Variants in CDH13 observed in about 807,000 individuals in gnomAD.
CDH13 encodes cadherin 13, also known as cadherin-13.
In CDH13, 24 loss-of-function variants were observed where a neutral mutation model predicts 63.8. The observed-to-expected ratio is 0.38, with a 90% CI of 0.27 to 0.53. CDH13 has a LOEUF of 0.53. CDH13 is among the 20% of genes least tolerant of loss of function. The probability of loss-of-function intolerance (pLI) is 0.85; values close to 1 mark genes in which losing one functional copy is unlikely to be tolerated. For synonymous variants in CDH13, 503 were observed against 355.3 expected, an observed-to-expected ratio of 1.42 and a Z score of -4.67; for missense variants, 1,049 against 903.1, an observed-to-expected ratio of 1.16 and a Z score of -2.07.
At chr16:83,082,640 TCAA>T (rs1031887338) in intron 3 of CDH13, among the ~76,000 whole-genome samples, 3 of 151,878 alleles carry the variant, frequency 2.0e-5, no homozygotes, top group African/African-American at 7.3e-5. Flanking sequence ...CAAGACTGTC[TCAA>T]CAACAACAGA....
intron 1 of CDH13, among the ~76,000 whole-genome samples, chr16:82,633,838 G>C (rs1316683603): frequency 6.6e-6 from 1 of 152,152 alleles, no homozygotes; most frequent in African/African-American, 2.4e-5. Flanking sequence ...AGACTAATCT[G>C]TCTGCCTCAT....
chr16:83,504,120 AT>A (rs1567718733), intron 7 of CDH13, among the ~76,000 whole-genome samples: 1 of 152,162 alleles, frequency 6.6e-6, no homozygotes, highest in African/African-American at 2.4e-5. Flanking sequence ...TTAAGGTAAA[AT>A]TTAAAAAAAG....
intron 2 of CDH13, among the ~76,000 whole-genome samples, chr16:83,021,370 T>A (rs1296729792): frequency 1.3e-5 from 2 of 152,208 alleles, no homozygotes; most frequent in East Asian, 1.9e-4. Flanking sequence ...ATGGGATAGA[T>A]GATGCATAGC....
intron 3 of CDH13, among the ~76,000 whole-genome samples, chr16:83,088,013 A>G (rs1249992327): frequency 6.6e-6 from 1 of 152,196 alleles, no homozygotes; most frequent in Non-Finnish European, 1.5e-5. Context: ...ACATTTGGAA[A>G]TGGTACAAGT....
At chr16:83,782,995 T>A (rs905878069) in intron 12 of CDH13, among the ~76,000 whole-genome samples, 1 of 152,142 alleles carries the variant, frequency 6.6e-6, no homozygotes, top group Non-Finnish European at 1.5e-5. Flanking sequence ...ACTCTGGTGA[T>A]GGAAACACTC....
At chr16:82,640,425 G>A (rs1470129425) in intron 1 of CDH13, among the ~76,000 whole-genome samples, 2 of 152,100 alleles carry the variant, frequency 1.3e-5, no homozygotes, top group Admixed American at 1.3e-4. Flanking sequence ...TAAACCAGGG[G>A]TAGGTATCCT....
At chr16:82,819,988 C>T (rs373465176) in intron 1 of CDH13, among the ~76,000 whole-genome samples, 5 of 152,116 alleles carry the variant, frequency 3.3e-5, no homozygotes, top group South Asian at 2.1e-4. Context: ...GAAGTGGTTC[C>T]GAGAGACAGC....
rs575656726 is a variant in CDH13, at chr16:83,660,058, A to G, written c.1102-10732A>G. On this transcript the variant is annotated intron_variant, in intron 8 of 13. Transcript: ENST00000567109. ...TGCCTCGGCCTCCCAAAGTGCTGAGATTACACTCAGAAGCCACCACGCCCA... is the reference window on the plus strand; with the variant it reads ...TGCCTCGGCCTCCCAAAGTGCTGAGGTTACACTCAGAAGCCACCACGCCCA... Among the ~76,000 whole-genome samples the G allele has an allele frequency of 5.3e-5, 8 of 152,202 alleles. No homozygotes were observed. The East Asian group carries it at 9.7e-4, about 18-fold the overall frequency.
At chr16:83,391,498 C>T (rs553480626) in intron 6 of CDH13, among the ~76,000 whole-genome samples, 48 of 152,282 alleles carry the variant, frequency 3.2e-4, no homozygotes, top group African/African-American at 1.2e-3. Flanking sequence ...GCCACCGTGC[C>T]AGCCACACAT....
intron 2 of CDH13, among the ~76,000 whole-genome samples, chr16:82,893,437 T>C (rs1295347471): frequency 2.0e-5 from 3 of 152,232 alleles, no homozygotes; most frequent in Admixed American, 6.5e-5. Context: ...CTGGGCCAAC[T>C]AATGGGTTTC....
chr16:82,972,686 T>G lies in CDH13; in HGVS notation c.158-59324T>G, dbSNP rs186334636. Among the ~76,000 whole-genome samples, 74 of 152,308 alleles carry G rather than the reference T, an allele frequency of 4.9e-4. 1 individual carries two copies. The highest frequency in any genetic ancestry group is 3.4e-3 in the Middle Eastern group (1 of 294). ...AACACATAGTAGCTGTTTTTAATAT[T>G]ATGTGTGGTAGATTGGCACCATTCC... On this transcript the variant is annotated intron_variant, in intron 2 of 13. Transcript: ENST00000567109.
chr16:82,862,104 G>A (rs192235147), intron 2 of CDH13, among the ~76,000 whole-genome samples: 101 of 152,308 alleles, frequency 6.6e-4, no homozygotes, highest in African/African-American at 2.4e-3. Context: ...GTGTTTTCTG[G>A]AGGCCTGGCA....
At chr16:83,223,838 AT>A (rs1161305978) in intron 5 of CDH13, among the ~76,000 whole-genome samples, 2 of 152,070 alleles carry the variant, frequency 1.3e-5, no homozygotes, top group Non-Finnish European at 2.9e-5. Flanking sequence ...CATGAGTGCA[AT>A]TTTTTTAATT....
intron 11 of CDH13, among the ~76,000 whole-genome samples, chr16:83,763,628 A>G (rs1209421831): frequency 6.6e-6 from 1 of 152,228 alleles, no homozygotes; most frequent in Non-Finnish European, 1.5e-5. Context: ...GCTAGTTTGG[A>G]TAAAATGAAG....
chr16:83,553,996 A>C (rs1276928571), intron 7 of CDH13, among the ~76,000 whole-genome samples: 2 of 152,234 alleles, frequency 1.3e-5, no homozygotes, highest in East Asian at 3.8e-4. Flanking sequence ...ATTCTTGTAC[A>C]GATATAATTG....
At chr16:83,567,400 G>A (rs1280262167) in intron 7 of CDH13, among the ~76,000 whole-genome samples, 2 of 152,206 alleles carry the variant, frequency 1.3e-5, no homozygotes, top group Non-Finnish European at 2.9e-5. Context: ...CTGTAAAATT[G>A]CAAATATCTG....
At chr16:83,580,096 G>A (rs577825280) in intron 7 of CDH13, among the ~76,000 whole-genome samples, 3 of 152,196 alleles carry the variant, frequency 2.0e-5, no homozygotes, top group Non-Finnish European at 4.4e-5. Context: ...GCAGGCAGAG[G>A]GGGACAGATC....
At position 83,561,266 on chromosome 16, in the gene CDH13, G is replaced by A. The variant is rs1339228366; in HGVS notation, c.961-41188G>A. On this transcript the variant is annotated intron_variant, in intron 7 of 13. Coordinates refer to ENST00000567109, the MANE Select transcript of CDH13 (RefSeq NM_001257.5). ...GTTTGAGACCAGCCTGACCAACATG[G>A]AGAAATCCCATCTCTACTAAAAAAA... is the stretch of plus-strand genomic sequence containing the variant. Among the ~76,000 whole-genome samples, 4 of 151,014 alleles carry A rather than the reference G, an allele frequency of 2.6e-5. No individual in the cohort carries two copies. The East Asian group carries it at 7.8e-4, about 29-fold the overall frequency.
rs368960124 is a variant in CDH13, at chr16:83,713,509, CA to C, written c.1539-34585del. Among the ~76,000 whole-genome samples, 245 of 140,760 alleles carry C rather than the reference CA, an allele frequency of 1.7e-3. 1 individual carries two copies. Among genetic ancestry groups the C allele is most frequent in the East Asian group, 3.1e-3 (15 of 4,846 alleles). The allele number at this position is 140,760 out of a possible 152,430, so 92.3% of individuals were successfully genotyped here. A position where few individuals can be genotyped will look rare whatever the true frequency, so the allele number is the denominator to read the frequency against. On this transcript the variant is annotated intron_variant, in intron 10 of 13. Coordinates refer to ENST00000567109, the MANE Select transcript of CDH13 (RefSeq NM_001257.5). The stretch of plus-strand genomic sequence containing the variant: ...TGCATCTCTCAACTTTTCTCGTCAC[CA>C]AAAAAAAAAAAAATTTCCTCTTCAA...
Sources: allele counts gnomAD v4.1 joint callset (sites outside exome capture counted in the v4.1 genomes callset), GRCh38; gene constraint gnomAD v4.1.1; transcripts MANE v1.5; gene names NCBI Gene and HGNC (gene_info 2026-07-23, HGNC 2026-07-21).